The following OTUD5 variants were observed in gnomAD, a reference collection of about 807,000 sequenced individuals.
OTUD5 encodes the protein OTU deubiquitinase 5.
A neutral mutation model predicts 36.3 loss-of-function variants in OTUD5; 2 were observed. The ratio of observed to expected loss-of-function variants is 0.06; its 90% CI spans 0.02 to 0.17. OTUD5 has a LOEUF of 0.17. OTUD5 is among the 10% of genes least tolerant of loss of function. The pLI is 1.00. For missense variants in OTUD5, 233 were observed against 512.3 expected, an observed-to-expected ratio of 0.45 and a Z score of 5.26; for synonymous variants, 234 against 214.9, an observed-to-expected ratio of 1.09 and a Z score of -0.78.
At chrX:48,935,629 C>T (rs1453085197) in intron 2 of OTUD5, among the ~76,000 whole-genome samples, 2 of 111,378 alleles carry the variant, frequency 1.8e-5, no homozygotes, top group African/African-American at 6.5e-5. Context: ...TATACCTCAT[C>T]TGTAAAATGG....
chrX:48,934,896 T>C (rs1405287401), intron 3 of OTUD5, 29 bp from the exon 4 acceptor site: 1 of 1,204,740 alleles, frequency 8.3e-7, no homozygotes, highest in Non-Finnish European at 1.1e-6. Context: ...GGTTAAGGTC[T>C]GTGTGGAGAA....
chrX:48,954,245 G>A (rs2064196616), intron 1 of OTUD5, among the ~76,000 whole-genome samples: 1 of 110,855 alleles, frequency 9.0e-6, no homozygotes, highest in Non-Finnish European at 1.9e-5. Context: ...ACAGGCATGC[G>A]CCACTATGCC....
At chrX:48,936,670 A>C (rs781965613) in intron 2 of OTUD5, among the ~76,000 whole-genome samples, 1 of 111,886 alleles carries the variant, frequency 8.9e-6, no homozygotes, top group Non-Finnish European at 1.9e-5. Flanking sequence ...GGCAGTTCAC[A>C]CCAAAGTCCA....
intron 5 of OTUD5, among the ~76,000 whole-genome samples, chrX:48,928,236 T>G (rs1249483718): frequency 8.9e-6 from 1 of 111,880 alleles, no homozygotes; most frequent in East Asian, 2.8e-4. Context: ...AACATAATCT[T>G]ACAACGCAAT....
intron 1 of OTUD5, among the ~76,000 whole-genome samples, chrX:48,956,113 C>T (rs1462486821): frequency 8.9e-6 from 1 of 111,805 alleles, no homozygotes; most frequent in Non-Finnish European, 1.9e-5. Context: ...GCGGTTCAGG[C>T]CCTTGTCTCC....
At chrX:48,948,533 G>C (rs1357106833) in intron 1 of OTUD5, among the ~76,000 whole-genome samples, 1 of 111,636 alleles carries the variant, frequency 9.0e-6, no homozygotes, top group Non-Finnish European at 1.9e-5. Context: ...CTCTAAACAT[G>C]AAAGAGACCT....
rs1314124622 is a variant in OTUD5, at chrX:48,922,150, T to C, written c.*1024A>G. ...TGAGGTCAAGCCAAGGTCCGTGCCA[T>C]TGCATCCTCTGCCCAGAGGCCCGCC... On this transcript the variant is annotated 3_prime_UTR_variant, in exon 9 of 9. Transcript: ENST00000376488. 1 of 112,052 alleles carries C rather than the reference T, an allele frequency of 8.9e-6. No homozygotes were observed. The highest frequency in any genetic ancestry group is 3.3e-5 in the African/African-American group (1 of 30,666). The allele number at this position is 112,052 out of a possible 1,213,427, so 9.2% of individuals were successfully genotyped here.
At chrX:48,939,467 T>C (rs1372914861) in intron 2 of OTUD5, among the ~76,000 whole-genome samples, 2 of 111,431 alleles carry the variant, frequency 1.8e-5, no homozygotes, top group Middle Eastern at 4.6e-3. Flanking sequence ...AGTATAGAAA[T>C]GCACATGTGT....
intron 5 of OTUD5, among the ~76,000 whole-genome samples, chrX:48,931,650 G>A (rs1295357055): frequency 9.2e-6 from 1 of 108,651 alleles, no homozygotes; most frequent in Non-Finnish European, 1.9e-5. Flanking sequence ...GTGGTGGTGG[G>A]CACCTGTAAT....
chrX:48,945,766 G>GT (rs1318299006), intron 1 of OTUD5, among the ~76,000 whole-genome samples: 11 of 110,953 alleles, frequency 9.9e-5, no homozygotes, highest in Non-Finnish European at 2.1e-4. Flanking sequence ...TTTATAAATT[G>GT]TTTTTTTCCT....
intron 1 of OTUD5, among the ~76,000 whole-genome samples, chrX:48,956,187 G>A (rs1602441981): frequency 8.9e-6 from 1 of 112,192 alleles, no homozygotes; most frequent in African/African-American, 3.2e-5. Flanking sequence ...AAGGAGATAA[G>A]TAAAGCTGCT....
intron 1 of OTUD5, among the ~76,000 whole-genome samples, chrX:48,947,018 G>A (rs1421296478): frequency 1.8e-5 from 2 of 112,184 alleles, no homozygotes; most frequent in Non-Finnish European, 3.8e-5. Flanking sequence ...TAGCAGAGGG[G>A]TAGGGAAACA....
intron 1 of OTUD5, among the ~76,000 whole-genome samples, chrX:48,950,842 G>A (rs2064127592): frequency 9.1e-6 from 1 of 110,188 alleles, no homozygotes; most frequent in African/African-American, 3.3e-5. Context: ...GATTACAGGG[G>A]TGAGCCACCG....
chrX:48,923,982 C>T lies in OTUD5; in HGVS notation c.1334G>A (p.Ser445Asn). Residue 445 changes from serine to asparagine, a missense_variant, in exon 7 of 9, where the codon AGC becomes AAC. Around this residue, in one of 3 missense-constraint regions of OTUD5, gnomAD observed 57 missense variants for 133.1 expected, o/e 0.43. Coordinates refer to ENST00000376488, the MANE Select transcript of OTUD5 (RefSeq NM_001136157.2). ...TGAACTCCGCTGCCGCGGGGACCGG[C>T]TAGTCCACTCCTCCAGGCCACTGGA... ...AASSGLEEWT[S>N]RSPRQRSSAS... The T allele has an allele frequency of 8.3e-7, 1 of 1,209,483 alleles. No individual in the cohort carries two copies. Among genetic ancestry groups the T allele is most frequent in the South Asian group, 1.8e-5 (1 of 56,564 alleles).
upstream of OTUD5, chrX:48,957,843 G>T (rs1446020096): frequency 2.2e-4 from 169 of 752,417 alleles, no homozygotes; most frequent in Non-Finnish European, 2.6e-4. Flanking sequence ...TTCTCTCCAA[G>T]TCCAGCAAGT....
intron 1 of OTUD5, among the ~76,000 whole-genome samples, chrX:48,952,319 G>A (rs1347183323): frequency 6.3e-5 from 7 of 111,998 alleles, no homozygotes; most frequent in African/African-American, 2.3e-4. Flanking sequence ...GAGGAAATTG[G>A]GGGATCATAG....
intron 5 of OTUD5, among the ~76,000 whole-genome samples, chrX:48,932,348 A>G (rs1435835532): frequency 9.1e-6 from 1 of 110,027 alleles, no homozygotes; most frequent in Non-Finnish European, 1.9e-5. Flanking sequence ...TCTTTCAGAC[A>G]GAGTCTCGCT....
At chrX:48,956,312 C>CGTGTGTGT (rs200578681) in intron 1 of OTUD5, among the ~76,000 whole-genome samples, 233 of 104,084 alleles carry the variant, frequency 2.2e-3, no homozygotes, top group African/African-American at 5.7e-3. Flanking sequence ...TTAAAGGGGG[C>CGTGTGTGT]GTGTGTGTGT....
At chrX:48,931,544 C>G (rs1057221524) in intron 5 of OTUD5, among the ~76,000 whole-genome samples, 2 of 110,926 alleles carry the variant, frequency 1.8e-5, no homozygotes, top group Admixed American at 1.9e-4. Flanking sequence ...TTTGGGAGGC[C>G]GAGGCGGGTG....
Sources: allele counts gnomAD v4.1 joint callset (sites outside exome capture counted in the v4.1 genomes callset), GRCh38; gene constraint gnomAD v4.1.1; regional missense constraint gnomAD v4.1.1; transcripts MANE v1.5; gene names NCBI Gene and HGNC (gene_info 2026-07-23, HGNC 2026-07-21).